Variants in HIBCH observed in about 807,000 individuals in gnomAD.
HIBCH encodes the protein 3-hydroxyisobutyryl-CoA hydrolase, mitochondrial.
In HIBCH, 50 loss-of-function variants were observed where a neutral mutation model predicts 58.2. That is an observed-to-expected ratio of 0.86 (90% CI 0.68 to 1.09). HIBCH has a LOEUF of 1.09. HIBCH is among the 50% of genes least tolerant of loss of function. The pLI, the probability that HIBCH is intolerant of heterozygous loss-of-function variation, is 0.00. For missense variants in HIBCH, 450 were observed against 449.7 expected (o/e 1.00, Z -0.01); for synonymous variants, 151 against 146.9 (o/e 1.03, Z -0.20).
chr2:190,258,505 G>C (rs1686992986), intron 7 of HIBCH, among the ~76,000 whole-genome samples: 3 of 152,180 alleles, frequency 2.0e-5, no homozygotes. Flanking sequence ...TGTTTTCTTT[G>C]CTGTGATTCT....
chr2:190,199,975 G>C (rs1690170992), downstream of HIBCH: 1 of 1,613,996 alleles, frequency 6.2e-7, no homozygotes, highest in South Asian at 1.1e-5. Context: ...ACCTAGGATG[G>C]CTTCTCCAGT....
intron 10 of HIBCH, chr2:190,245,219 A>T (rs976941064): frequency 7.2e-6 from 3 of 413,802 alleles, no homozygotes; most frequent in Non-Finnish European, 1.3e-5. Flanking sequence ...CCATGTAAAG[A>T]AACAATTCAA....
chr2:190,204,290 C>T lies in HIBCH; in HGVS notation c.*827G>A, dbSNP rs571459875. On this transcript the variant is annotated 3_prime_UTR_variant, in exon 14 of 14. Coordinates refer to ENST00000359678, the MANE Select transcript of HIBCH (RefSeq NM_014362.4). ...GGATAATTATCACACAAAAGTCTTACGTAAATTATAAAAAAACAGAGTGTC... is the reference window on the plus strand; with the variant it reads ...GGATAATTATCACACAAAAGTCTTATGTAAATTATAAAAAAACAGAGTGTC... 1 of 152,040 alleles carries T rather than the reference C, an allele frequency of 6.6e-6. No individual in the cohort carries two copies. Among genetic ancestry groups the T allele is most frequent in the Admixed American group, 6.6e-5 (1 of 15,264 alleles). The allele number at this position is 152,040 out of a possible 1,614,324, so 9.4% of individuals were successfully genotyped here.
rs923121935 is a variant in HIBCH, at chr2:190,216,104, G to A, written c.892-3029C>T. Reference sequence around the variant, plus strand: ...AGGTGAGACTGGGGAGAAAAATAATGTAAAAGGAAGAAAGAGTACAAGAGG... The same window carrying A: ...AGGTGAGACTGGGGAGAAAAATAATATAAAAGGAAGAAAGAGTACAAGAGG... On this transcript the variant is annotated intron_variant, in intron 11 of 13. Transcript: ENST00000359678. This position sits in a 1 kb window ranked among gnomAD's most constrained non-coding sequence, Gnocchi z 4.2. 1 of 152,438 alleles carries A rather than the reference G, an allele frequency of 6.6e-6. No homozygotes were observed. The highest frequency in any genetic ancestry group is 2.4e-5 in the African/African-American group (1 of 41,434). 9.4% of individuals were successfully genotyped at this position (152,438 alleles called of 1,614,324 possible).
intron 11 of HIBCH, among the ~76,000 whole-genome samples, chr2:190,244,471 T>C (rs1686548125): frequency 6.6e-6 from 1 of 152,160 alleles, no homozygotes; most frequent in African/African-American, 2.4e-5. Context: ...AAACCTCCTG[T>C]TTAGAAAGAC....
chr2:190,295,725 A>G (rs1688087851), intron 3 of HIBCH, among the ~76,000 whole-genome samples: 1 of 152,176 alleles, frequency 6.6e-6, no homozygotes, highest in African/African-American at 2.4e-5. Flanking sequence ...CTCTGGTCCA[A>G]CTTTGATTTG....
chr2:190,275,947 G>C (rs1687537190), intron 6 of HIBCH, among the ~76,000 whole-genome samples: 1 of 152,208 alleles, frequency 6.6e-6, no homozygotes, highest in Non-Finnish European at 1.5e-5. Flanking sequence ...ATCTGCTGCA[G>C]ACAAGAACAG....
At chr2:190,312,121 C>T (rs1026471885) in intron 1 of HIBCH, among the ~76,000 whole-genome samples, 5 of 152,244 alleles carry the variant, frequency 3.3e-5, no homozygotes, top group South Asian at 2.1e-4. Context: ...ACACCGGGAA[C>T]GGCAGTGATT....
At chr2:190,284,933 T>C (rs1295894458) in intron 6 of HIBCH, among the ~76,000 whole-genome samples, 5 of 152,256 alleles carry the variant, frequency 3.3e-5, no homozygotes, top group African/African-American at 4.8e-5. Flanking sequence ...GTTCCAAGTA[T>C]CTGATTTACT....
At position 190,217,119 on chromosome 2, in the gene HIBCH, G is replaced by A. The variant is rs1237392509; in HGVS notation, c.892-4044C>T. Among the ~76,000 whole-genome samples, 1 of 152,168 alleles carries A rather than the reference G, an allele frequency of 6.6e-6. No homozygotes were observed. The highest frequency in any genetic ancestry group is 2.1e-4 in the South Asian group (1 of 4,816). The stretch of plus-strand genomic sequence containing the variant: ...CTTGGCCCAGTGCCAGACCCAGCAG[G>A]GCCCGACCAAAGGCACCCTGGGAAG... On this transcript the variant is annotated intron_variant, in intron 11 of 13. Coordinates refer to ENST00000359678, the MANE Select transcript of HIBCH (RefSeq NM_014362.4). The surrounding 1 kb of genome is among the most constrained non-coding windows in gnomAD (Gnocchi z 4.6).
chr2:190,299,086 C>T (rs548304897), intron 2 of HIBCH, among the ~76,000 whole-genome samples: 2 of 152,226 alleles, frequency 1.3e-5, no homozygotes, highest in African/African-American at 2.4e-5. Context: ...AAAGGCAACA[C>T]TTAAAACCTC....
intron 5 of HIBCH, 47 bp from the exon 6 acceptor site, chr2:190,287,685 T>C (rs2105982016): frequency 7.2e-7 from 1 of 1,379,600 alleles, no homozygotes; most frequent in Non-Finnish European, 1.0e-6. Context: ...TTAAAATACA[T>C]TCCCTTTTTC....
At chr2:190,278,211 CTTTTT>C (rs1159098454) in intron 6 of HIBCH, among the ~76,000 whole-genome samples, 1 of 145,676 alleles carries the variant, frequency 6.9e-6, no homozygotes, top group African/African-American at 2.5e-5. Flanking sequence ...AAAGAATCTG[CTTTTT>C]TTTTTTAAGA....
chr2:190,229,431 T>C (rs1037509832), intron 11 of HIBCH, among the ~76,000 whole-genome samples: 1 of 152,220 alleles, frequency 6.6e-6, no homozygotes, highest in Admixed American at 6.5e-5. Context: ...CTGTAGCATA[T>C]TTCCAATCTG....
chr2:190,235,174 G>C (rs925065487), intron 11 of HIBCH, among the ~76,000 whole-genome samples: 1 of 152,172 alleles, frequency 6.6e-6, no homozygotes, highest in South Asian at 2.1e-4. Flanking sequence ...ACAGCCCTTC[G>C]TATTTATTGG....
At chr2:190,289,503 G>A (rs1687912672) in intron 5 of HIBCH, among the ~76,000 whole-genome samples, 1 of 152,128 alleles carries the variant, frequency 6.6e-6, no homozygotes, top group South Asian at 2.1e-4. Context: ...TTTTTGAGGA[G>A]GGATAAATGG....
chr2:190,269,902 C>CA (rs2105962636), intron 6 of HIBCH, among the ~76,000 whole-genome samples: 1 of 152,094 alleles, frequency 6.6e-6, no homozygotes, highest in East Asian at 1.9e-4. Flanking sequence ...ATAAAAAAAA[C>CA]AATGAGTTCA....
intron 9 of HIBCH, among the ~76,000 whole-genome samples, chr2:190,248,351 T>C (rs1046137938): frequency 1.3e-5 from 2 of 152,030 alleles, no homozygotes; most frequent in African/African-American, 2.4e-5. Context: ...TTTCTTCCAA[T>C]GTATTGCTTA....
At chr2:190,256,971 G>A (rs1162707471) in intron 7 of HIBCH, among the ~76,000 whole-genome samples, 2 of 152,178 alleles carry the variant, frequency 1.3e-5, no homozygotes, top group East Asian at 3.8e-4. Flanking sequence ...AAGCATAAGT[G>A]AGCCTTATAG....
Sources: allele counts gnomAD v4.1 joint callset (sites outside exome capture counted in the v4.1 genomes callset), GRCh38; gene constraint gnomAD v4.1.1; non-coding constraint Gnocchi (gnomAD v3.1); transcripts MANE v1.5; gene names NCBI Gene and HGNC (gene_info 2026-07-23, HGNC 2026-07-21).